Variants in PXK observed in about 807,000 individuals in gnomAD.
The protein encoded by PXK is PX domain-containing protein kinase-like protein.
In PXK, 35 loss-of-function variants were observed where a neutral mutation model predicts 84.7. The ratio of observed to expected loss-of-function variants is 0.41; its 90% CI spans 0.32 to 0.55. The LOEUF (loss-of-function observed/expected upper bound fraction) is 0.55. PXK is among the 20% of genes least tolerant of loss of function. PXK has a pLI of 0.21. For missense variants in PXK, 634 were observed against 699.7 expected (o/e 0.91, Z 1.06); for synonymous variants, 253 against 260.8 (o/e 0.97, Z 0.29).
chr3:58,353,969 G>A (rs1173580871), intron 1 of PXK, among the ~76,000 whole-genome samples: 3 of 152,160 alleles, frequency 2.0e-5, no homozygotes, highest in Admixed American at 6.5e-5. Context: ...GTAGATTCCA[G>A]CCAGGTCACT....
intron 2 of PXK, among the ~76,000 whole-genome samples, chr3:58,366,992 C>G (rs1330073531): frequency 1.3e-5 from 2 of 152,190 alleles, no homozygotes; most frequent in Non-Finnish European, 1.5e-5. Flanking sequence ...ACAGGGCCAA[C>G]AGCAGTGTCC....
At chr3:58,350,336 G>T (rs1283037690) in intron 1 of PXK, among the ~76,000 whole-genome samples, 2 of 152,210 alleles carry the variant, frequency 1.3e-5, no homozygotes, top group South Asian at 2.1e-4. Context: ...AAGTATAGGG[G>T]TATTAAAACC....
chr3:58,419,706 C>T (rs993298692), intron 17 of PXK, among the ~76,000 whole-genome samples: 1 of 152,196 alleles, frequency 6.6e-6, no homozygotes, highest in African/African-American at 2.4e-5. Context: ...CCTTGGGGAA[C>T]AATGGTACTG....
chr3:58,349,841 T>C (rs972927280), intron 1 of PXK, among the ~76,000 whole-genome samples: 1 of 152,196 alleles, frequency 6.6e-6, no homozygotes, highest in Non-Finnish European at 1.5e-5. Context: ...TATCAAGCCT[T>C]AGGTCACTGC....
intron 3 of PXK, among the ~76,000 whole-genome samples, chr3:58,378,923 T>G (rs7432739): frequency 0.26 from 39,002 of 150,494 alleles, 6,336 homozygotes; most frequent in East Asian, 0.8. Flanking sequence ...ATTATTATTA[T>G]TAGTAGTAGT....
At chr3:58,419,139 C>G (rs1041252852) in intron 17 of PXK, among the ~76,000 whole-genome samples, 6 of 152,264 alleles carry the variant, frequency 3.9e-5, no homozygotes, top group Non-Finnish European at 8.8e-5. Flanking sequence ...GCAAGTCTGT[C>G]TGTCTAGATT....
intron 1 of PXK, among the ~76,000 whole-genome samples, chr3:58,347,330 T>C (rs994007139): frequency 2.0e-5 from 3 of 152,204 alleles, no homozygotes; most frequent in South Asian, 4.1e-4. Flanking sequence ...TTGACAAATA[T>C]ATATATACAC....
At chr3:58,392,827 A>G (rs146891116) in intron 7 of PXK, among the ~76,000 whole-genome samples, 250 of 151,798 alleles carry the variant, frequency 1.6e-3, no homozygotes, top group African/African-American at 5.7e-3. Context: ...ACACCCAGCT[A>G]ATTTTTGTAT....
intron 1 of PXK, among the ~76,000 whole-genome samples, chr3:58,338,400 A>G (rs900004912): frequency 6.6e-6 from 1 of 151,696 alleles, no homozygotes; most frequent in African/African-American, 2.4e-5. Flanking sequence ...AGGCGGGTGG[A>G]TCACCTGAGG....
chr3:58,408,647 T>A (rs544358039), intron 13 of PXK, among the ~76,000 whole-genome samples: 4 of 152,138 alleles, frequency 2.6e-5, no homozygotes, highest in South Asian at 4.1e-4. Context: ...CTCAGCCTCC[T>A]GAGTAGCTGG....
Position 58,333,043 on chromosome 3 carries a change from C to T in PXK, c.55C>T (p.Pro19Ser). ...CAAGGTGCTGCTGGACGACACGGTG[C>T]CGCTGACAGCAGCCATCGAGGCGAG... ...AGKVLLDDTV[P>S]LTAAIEASQS... is the part of the protein sequence containing the mutation. Residue 19 changes from proline to serine, a missense_variant, in exon 1 of 18, where the codon CCG becomes TCG. Physicochemically the swap from Pro to Ser is moderately conservative, Grantham distance 74. Coordinates refer to ENST00000356151, the MANE Select transcript of PXK (RefSeq NM_017771.5). This position sits in a 1 kb window ranked among gnomAD's most constrained non-coding sequence, Gnocchi z 5.4. 1.5e-6 allele frequency: 2 copies of T among 1,349,068 alleles called. No homozygotes were observed. The highest frequency in any genetic ancestry group is 2.3e-4 in the Middle Eastern group (1 of 4,264). The allele number at this position is 1,349,068 out of a possible 1,614,324, so 83.6% of individuals were successfully genotyped here.
chr3:58,397,794 C>A lies in PXK; in HGVS notation c.1102+72C>A. The A allele has an allele frequency of 8.1e-7, 1 of 1,228,886 alleles. No homozygotes were observed. Among genetic ancestry groups the A allele is most frequent in the South Asian group, 1.3e-5 (1 of 76,434 alleles). The allele number at this position is 1,228,886 out of a possible 1,614,324, so 76.1% of individuals were successfully genotyped here. A position where few individuals can be genotyped will look rare whatever the true frequency, so the allele number is the denominator to read the frequency against. ...GAGCCACTCATCCCCTTTCCAGAGT[C>A]CAGGAAAGACCCAGAGGAAGTTGCT... On this transcript the variant is annotated intron_variant, in intron 11 of 17. Coordinates refer to ENST00000356151, the MANE Select transcript of PXK (RefSeq NM_017771.5). This position sits in a 1 kb window ranked among gnomAD's most constrained non-coding sequence, Gnocchi z 4.7.
Position 58,399,240 on chromosome 3 carries a change from A to T in PXK, c.1103-59A>T. The T allele has an allele frequency of 6.8e-7, 1 of 1,479,654 alleles. No individual in the cohort carries two copies. The highest frequency in any genetic ancestry group is 1.1e-5 in the South Asian group (1 of 87,752). 91.7% of individuals were successfully genotyped at this position (1,479,654 alleles called of 1,614,324 possible). A position where few individuals can be genotyped will look rare whatever the true frequency, so the allele number is the denominator to read the frequency against. ...GCAAAGTGGTGTTAAACTTTTCATC[A>T]GCAAGTGGATTTGCCAGCGTGTTCT... On this transcript the variant is annotated intron_variant, in intron 11 of 17. Coordinates refer to ENST00000356151, the MANE Select transcript of PXK (RefSeq NM_017771.5). This position sits in a 1 kb window ranked among gnomAD's most constrained non-coding sequence, Gnocchi z 4.3.
At position 58,333,065 on chromosome 3, in the gene PXK, C is replaced by T; in HGVS notation, c.77C>T (p.Ala26Val). 2 of 1,327,592 alleles carry T rather than the reference C, an allele frequency of 1.5e-6. No individual in the cohort carries two copies. Among genetic ancestry groups the T allele is most frequent in the Non-Finnish European group, 9.8e-7 (1 of 1,024,040 alleles). 82.2% of individuals were successfully genotyped at this position (1,327,592 alleles called of 1,614,324 possible). ...DTVPLTAAIEASQSLQSHTEY... is the reference protein window; with the variant it reads ...DTVPLTAAIEVSQSLQSHTEY... ...GTGCCGCTGACAGCAGCCATCGAGG[C>T]GAGCCAGAGCCTGCAGTCCCACACG... The change falls in exon 1 of 18, where the codon GCG (alanine) becomes GTG (valine). Residue 26 changes from alanine (A) to valine (V), a missense_variant. Around this residue, in one of 3 missense-constraint regions of PXK, gnomAD observed 353 missense variants for 385.2 expected, o/e 0.92. Coordinates refer to ENST00000356151, the MANE Select transcript of PXK (RefSeq NM_017771.5). The surrounding 1 kb of genome is among the most constrained non-coding windows in gnomAD (Gnocchi z 5.4).
Position 58,332,945 on chromosome 3 carries a change from T to C in PXK, c.-44T>C. The C allele has an allele frequency of 7.9e-7, 1 of 1,261,394 alleles. No individual in the cohort carries two copies. Among genetic ancestry groups the C allele is most frequent in the Non-Finnish European group, 1.0e-6 (1 of 971,966 alleles). 78.1% of individuals were successfully genotyped at this position (1,261,394 alleles called of 1,614,324 possible). ...GGGCGGCGGGAGTCGGCGCCTCGGG[T>C]TCCTACCTCGCGTCCCTAGGCGGCG... On this transcript the variant is annotated 5_prime_UTR_variant, in exon 1 of 18. Coordinates refer to ENST00000356151, the MANE Select transcript of PXK (RefSeq NM_017771.5). This position sits in a 1 kb window ranked among gnomAD's most constrained non-coding sequence, Gnocchi z 5.6.
intron 1 of PXK, among the ~76,000 whole-genome samples, chr3:58,340,524 T>A (rs9816976): frequency 0.08 from 12,170 of 151,490 alleles, 587 homozygotes; most frequent in South Asian, 0.1. Context: ...GTCAGGAGTT[T>A]GTGACCAGCC....
chr3:58,344,923 G>A (rs2097790220), intron 1 of PXK, among the ~76,000 whole-genome samples: 1 of 152,202 alleles, frequency 6.6e-6, no homozygotes, highest in Non-Finnish European at 1.5e-5. Flanking sequence ...GCAGCCCCCA[G>A]CAAATGCCCA....
rs773350518 is a variant in PXK, at chr3:58,412,294, T to C, written c.1466-607T>C. On this transcript the variant is annotated intron_variant, in intron 16 of 17. Coordinates refer to ENST00000356151, the MANE Select transcript of PXK (RefSeq NM_017771.5). This position sits in a 1 kb window ranked among gnomAD's most constrained non-coding sequence, Gnocchi z 6.2. ...GGGAATATTTGAAATATAATAAGGT[T>C]ACTAGATCCAGAAAAAGCATGCAAC... 6.6e-6 allele frequency among the ~76,000 whole-genome samples: 1 copy of C among 152,080 alleles called. No homozygotes were observed. The highest frequency in any genetic ancestry group is 1.5e-5 in the Non-Finnish European group (1 of 68,022).
At chr3:58,341,934 C>T (rs1484990417) in intron 1 of PXK, among the ~76,000 whole-genome samples, 1 of 152,048 alleles carries the variant, frequency 6.6e-6, no homozygotes, top group East Asian at 1.9e-4. Context: ...AAACTCCTGA[C>T]CTCAGGTGAT....
Sources: gnomAD v4.1 joint callset for allele counts (sites outside exome capture counted in the v4.1 genomes callset) on GRCh38, gnomAD v4.1.1 for gene constraint, gnomAD v4.1.1 regional missense constraint, Gnocchi (gnomAD v3.1) non-coding constraint, MANE v1.5 for transcripts, NCBI Gene and HGNC (gene_info 2026-07-23, HGNC 2026-07-21) for gene names.